PRKCG: variants seen among roughly 807,000 people sequenced by gnomAD.
PRKCG encodes protein kinase C gamma type.
A neutral mutation model predicts 82.0 loss-of-function variants in PRKCG; 28 were observed. The observed-to-expected ratio is 0.34, with a 90% confidence interval of 0.25 to 0.47. The LOEUF (loss-of-function observed/expected upper bound fraction) is 0.47, where lower values mean the gene tolerates loss of function less well. Among genes scored for constraint, PRKCG ranks in the 20% least tolerant of loss-of-function variants. The pLI is 1.00. For synonymous variants in PRKCG, 383 were observed against 376.6 expected (o/e 1.02, Z -0.20); for missense variants, 640 against 952.7 (o/e 0.67, Z 4.32).
chr19:53,900,140 G>T lies in PRKCG; in HGVS notation c.1282-93G>T. ...CTGAATTTCTGGTTGGGTGCATCTG[G>T]AACCTTCCACGTCTGTCCTGAGTGA... On this transcript the variant is annotated intron_variant, in intron 11 of 17. Transcript: ENST00000263431. The surrounding 1 kb of genome is among the most constrained non-coding windows in gnomAD (Gnocchi z 4.2). 8.0e-7 allele frequency: 1 copy of T among 1,251,472 alleles called. No individual in the cohort carries two copies. The highest frequency in any genetic ancestry group is 1.7e-5 in the Admixed American group (1 of 59,174). 77.5% of individuals were successfully genotyped at this position (1,251,472 alleles called of 1,614,324 possible). A position where few individuals can be genotyped will look rare whatever the true frequency, so the allele number is the denominator to read the frequency against.
intron 3 of PRKCG, among the ~76,000 whole-genome samples, chr19:53,886,562 C>G (rs1320157780): frequency 1.3e-5 from 2 of 152,030 alleles, no homozygotes; most frequent in Non-Finnish European, 2.9e-5. Context: ...AGCCACAACA[C>G]CTAGCTAATT....
intron 16 of PRKCG, among the ~76,000 whole-genome samples, 193 bp from the exon 17 acceptor site, chr19:53,906,124 T>TTTTCTTCTC (rs2068808114): frequency 3.8e-4 from 27 of 70,614 alleles, no homozygotes; most frequent in South Asian, 2.3e-3. Context: ...TCTTCTTTTC[T>TTTTCTTCTC]TCTCTCTCTC....
intron 10 of PRKCG, 68 bp downstream of exon 10, chr19:53,898,179 G>A: frequency 6.3e-7 from 1 of 1,578,838 alleles, no homozygotes; most frequent in East Asian, 2.3e-5. Context: ...TGGTTCTTAG[G>A]GAGGAAGTGG....
In PRKCG at chr19:53,883,000, TG is replaced by T. The variant is rs1599937421; in HGVS notation, c.171-158del. Among the ~76,000 whole-genome samples, 1 of 151,882 alleles carries T rather than the reference TG, an allele frequency of 6.6e-6. No homozygotes were observed. Among genetic ancestry groups the T allele is most frequent in the South Asian group, 2.1e-4 (1 of 4,812 alleles). ...AACTCCAGTCTAAGGGAAGAAGGGC[TG>T]GGGGCCAAAATTTCTGGGTTCTAGA... On this transcript the variant is annotated intron_variant, in intron 1 of 17. Transcript: ENST00000263431. This position sits in a 1 kb window ranked among gnomAD's most constrained non-coding sequence, Gnocchi z 6.1.
At position 53,889,572 on chromosome 19, in the gene PRKCG, A is replaced by C. The variant is rs307945; in HGVS notation, c.286-66A>C. The C allele has an allele frequency of 0.027, 32,522 of 1,211,828 alleles. 1,349 individuals are homozygous for C. Among genetic ancestry groups the C allele is most frequent in the African/African-American group, 0.18 (11,874 of 66,314 alleles). The allele number at this position is 1,211,828 out of a possible 1,614,324, so 75.1% of individuals were successfully genotyped here. Reference sequence around the variant, plus strand: ...GAGCAAGGCAGGAGGAAAAGATAAAAGGGCCCCTCCCCTGGGGTTTTAGGA... The same window carrying C: ...GAGCAAGGCAGGAGGAAAAGATAAACGGGCCCCTCCCCTGGGGTTTTAGGA... On this transcript the variant is annotated intron_variant, in intron 3 of 17. Coordinates refer to ENST00000263431, the MANE Select transcript of PRKCG (RefSeq NM_002739.5). The surrounding 1 kb of genome is among the most constrained non-coding windows in gnomAD (Gnocchi z 4.4).
intron 5 of PRKCG, among the ~76,000 whole-genome samples, chr19:53,890,743 G>T (rs1366865954): frequency 7.2e-6 from 1 of 138,058 alleles, no homozygotes; most frequent in African/African-American, 3.1e-5. Flanking sequence ...CACCACATCC[G>T]GCTAATTTTT....
At chr19:53,885,042 A>G (rs2068621455) in intron 3 of PRKCG, among the ~76,000 whole-genome samples, 1 of 152,056 alleles carries the variant, frequency 6.6e-6, no homozygotes, top group African/African-American at 2.4e-5. Flanking sequence ...TTCCTCCTCT[A>G]TAAAATGGGG....
At chr19:53,891,543 A>T in intron 5 of PRKCG, 131 bp from the exon 6 acceptor site, 1 of 1,162,532 alleles carries the variant, frequency 8.6e-7, no homozygotes, top group Non-Finnish European at 1.3e-6. Flanking sequence ...TGGCCTCCCA[A>T]AGTGCTGGGA....
chr19:53,887,582 G>GCT (rs1465282827), intron 3 of PRKCG, among the ~76,000 whole-genome samples: 1 of 138,350 alleles, frequency 7.2e-6, no homozygotes. Flanking sequence ...TGTAATCCCA[G>GCT]CTCTTTGGGA....
At position 53,892,894 on chromosome 19, in the gene PRKCG, C is replaced by T; in HGVS notation, c.822-94C>T. On this transcript the variant is annotated intron_variant, in intron 7 of 17. Transcript: ENST00000263431. This position sits in a 1 kb window ranked among gnomAD's most constrained non-coding sequence, Gnocchi z 5.9. ...TTCTCTCTTCCATCTCTGTGTCCGT[C>T]TCTCTGTGTCTCTTTCCTCCCTTCC... 8.1e-7 allele frequency: 1 copy of T among 1,235,550 alleles called. No homozygotes were observed. The highest frequency in any genetic ancestry group is 1.8e-5 in the Admixed American group (1 of 54,206). The allele number at this position is 1,235,550 out of a possible 1,614,324, so 76.5% of individuals were successfully genotyped here.
Position 53,893,346 on chromosome 19 carries a change from C to T in PRKCG, c.910-16C>T. 1 of 1,612,758 alleles carries T rather than the reference C, an allele frequency of 6.2e-7. No individual in the cohort carries two copies. Among genetic ancestry groups the T allele is most frequent in the Non-Finnish European group, 8.5e-7 (1 of 1,178,774 alleles). Reference sequence around the variant, plus strand: ...GCATCTCTTGGGACCCTGACTCTCTCTTTCTTTTCTCCCAGGCTTGTAACT... The same window carrying T: ...GCATCTCTTGGGACCCTGACTCTCTTTTTCTTTTCTCCCAGGCTTGTAACT... On this transcript the variant is annotated splice_polypyrimidine_tract_variant and intron_variant, in intron 8 of 17. Coordinates refer to ENST00000263431, the MANE Select transcript of PRKCG (RefSeq NM_002739.5).
intron 9 of PRKCG, among the ~76,000 whole-genome samples, chr19:53,894,606 C>T (rs1413436046): frequency 3.3e-5 from 5 of 151,882 alleles, no homozygotes; most frequent in African/African-American, 7.3e-5. Flanking sequence ...ATTACAGGAG[C>T]GCACCACCAC....
intron 16 of PRKCG, among the ~76,000 whole-genome samples, chr19:53,905,003 G>C (rs1461331836): frequency 6.6e-6 from 1 of 152,110 alleles, no homozygotes; most frequent in Non-Finnish European, 1.5e-5. Context: ...GAAAGTCCAG[G>C]GTGTCTGTCT....
intron 11 of PRKCG, among the ~76,000 whole-genome samples, chr19:53,899,029 TGGCCAGGCAGATTGGCTCCTTGGGGGCGA>T (rs1182583979): frequency 4.9e-5 from 7 of 144,010 alleles, no homozygotes. Context: ...TTAATAGGCG[TGGCCAGGCAGATTGGCTCCTTGGGGGCGA>T]GGCCAGGCAG....
Position 53,906,856 on chromosome 19 carries a change from C to G in PRKCG, c.2055C>G (p.Ala685=), listed in dbSNP as rs528546819. ...YVNPDFVHPD[A]RSPTSPVPVP... ...ACCCCGACTTCGTGCACCCGGATGC[C>G]CGCAGCCCCACCAGCCCAGTGCCTG... Residue 685 remains alanine, a synonymous_variant, in exon 18 of 18, where the codon GCC becomes GCG. Coordinates refer to ENST00000263431, the MANE Select transcript of PRKCG (RefSeq NM_002739.5). 2 of 1,613,584 alleles carry G rather than the reference C, an allele frequency of 1.2e-6. No individual in the cohort carries two copies. Among genetic ancestry groups the G allele is most frequent in the Admixed American group, 1.7e-5 (1 of 60,010 alleles).
chr19:53,898,304 AAG>A, intron 10 of PRKCG, 134 bp from the exon 11 acceptor site: 1 of 1,353,896 alleles, frequency 7.4e-7, no homozygotes, highest in Non-Finnish European at 1.0e-6. Context: ...GACGGGCGGC[AAG>A]TCAGGGCTGT....
Position 53,900,985 on chromosome 19 carries a change from G to A in PRKCG, c.1575+236G>A, listed in dbSNP as rs942454055. 6.6e-6 allele frequency among the ~76,000 whole-genome samples: 1 copy of A among 152,202 alleles called. No homozygotes were observed. The highest frequency in any genetic ancestry group is 1.5e-5 in the Non-Finnish European group (1 of 68,044). On this transcript the variant is annotated intron_variant, in intron 14 of 17. Coordinates refer to ENST00000263431, the MANE Select transcript of PRKCG (RefSeq NM_002739.5). This position sits in a 1 kb window ranked among gnomAD's most constrained non-coding sequence, Gnocchi z 4.2. ...AGGTGGGCAGCACCTGTGGGTGAAT[G>A]TTCCAGGAGAGTGGGACCAGCTCGT...
chr19:53,906,031 TC>T (rs2068802099), intron 16 of PRKCG, among the ~76,000 whole-genome samples: 1 of 85,898 alleles, frequency 1.2e-5, no homozygotes, highest in African/African-American at 5.2e-5. Context: ...GTCTCCCTCC[TC>T]CTCCTCCTCC....
intron 3 of PRKCG, among the ~76,000 whole-genome samples, chr19:53,888,979 A>G (rs530183154): frequency 6.6e-6 from 1 of 152,084 alleles, no homozygotes; most frequent in East Asian, 1.9e-4. Flanking sequence ...TTGAGACAGA[A>G]TCTTGCTCTG....
Sources: gnomAD v4.1 joint callset for allele counts (sites outside exome capture counted in the v4.1 genomes callset) on GRCh38, gnomAD v4.1.1 for gene constraint, Gnocchi (gnomAD v3.1) non-coding constraint, MANE v1.5 for transcripts, NCBI Gene and HGNC (gene_info 2026-07-23, HGNC 2026-07-21) for gene names.